PIP5K1C: variants seen among roughly 807,000 people sequenced by gnomAD.
The protein encoded by PIP5K1C is phosphatidylinositol-4-phosphate 5-kinase type 1 gamma.
In PIP5K1C, 45 loss-of-function variants were observed where a neutral mutation model predicts 80.1. The ratio of observed to expected loss-of-function variants is 0.56; its 90% CI spans 0.44 to 0.72. The LOEUF (loss-of-function observed/expected upper bound fraction) is 0.72. Ranked by LOEUF, PIP5K1C falls within the 30% of genes least tolerant of loss-of-function variation. PIP5K1C has a pLI of 0.00. For synonymous variants in PIP5K1C, 498 were observed against 420.1 expected (o/e 1.19, Z -2.27); for missense variants, 753 against 954.6 (o/e 0.79, Z 2.78).
chr19:3,667,659 C>T (rs753616011), intron 1 of PIP5K1C, among the ~76,000 whole-genome samples: 13 of 152,196 alleles, frequency 8.5e-5, no homozygotes, highest in Non-Finnish European at 1.6e-4. Flanking sequence ...GCACCCACCA[C>T]GGAGGGCCTG....
intron 6 of PIP5K1C, among the ~76,000 whole-genome samples, chr19:3,655,842 A>T (rs192025821): frequency 6.6e-5 from 10 of 152,324 alleles, no homozygotes; most frequent in Non-Finnish European, 1.2e-4. Flanking sequence ...TCCCAGGCCC[A>T]GGAACACTGT....
At position 3,637,354 on chromosome 19, in the gene PIP5K1C, T is replaced by C. The variant is rs2033732524; in HGVS notation, c.1920+1530A>G. On this transcript the variant is annotated intron_variant, in intron 16 of 17. Transcript: ENST00000335312. The surrounding 1 kb of genome is among the most constrained non-coding windows in gnomAD (Gnocchi z 7.0). The stretch of plus-strand genomic sequence containing the variant: ...ACCGAATGACATTCCCAGTGACGCA[T>C]GCAGCCCAGCGCCTGGTCCGGGGCC... The C allele has an allele frequency of 1.3e-6, 2 of 1,534,950 alleles. No homozygotes were observed. Among genetic ancestry groups the C allele is most frequent in the African/African-American group, 1.4e-5 (1 of 73,016 alleles).
intron 1 of PIP5K1C, among the ~76,000 whole-genome samples, chr19:3,691,946 C>T (rs1029284283): frequency 1.4e-4 from 22 of 152,270 alleles, no homozygotes; most frequent in African/African-American, 5.1e-4. Flanking sequence ...GCACAGGCCC[C>T]GAGGCAGCTG....
In PIP5K1C at chr19:3,647,091, C is replaced by T. The variant is rs550145622; in HGVS notation, c.1260+247G>A. Among the ~76,000 whole-genome samples the T allele has an allele frequency of 1.0e-4, 8 of 79,312 alleles. 1 individual carries two copies. In the East Asian group the frequency reaches 2.9e-3, roughly 28 times the overall value. The allele number at this position is 79,312 out of a possible 152,430, so 52.0% of individuals were successfully genotyped here. A position where few individuals can be genotyped will look rare whatever the true frequency, so the allele number is the denominator to read the frequency against. ...GGGATGGGAGGAGGGTGCAGGCGCT[C>T]ACAGAGGGAGGAGGGATGGGGGGAG... On this transcript the variant is annotated intron_variant, in intron 10 of 17. Coordinates refer to ENST00000335312, the MANE Select transcript of PIP5K1C (RefSeq NM_012398.3).
chr19:3,667,216 CAG>C, intron 2 of PIP5K1C, 104 bp downstream of exon 2: 1 of 948,236 alleles, frequency 1.1e-6, no homozygotes, highest in South Asian at 1.4e-5. Context: ...ATTTGGGGCC[CAG>C]AGAGGTGTAG....
Position 3,633,469 on chromosome 19 carries a change from C to G in PIP5K1C, c.1972G>C (p.Ala658Pro). ...CTCTCGCCGTCGGAGGCCGGGGGGG[C>G]CTGGGCGCTATAGTGGAGCGGGGAG... ...VYSPLHYSAQ[A>P]PPASDGESDT The change falls in exon 17 of 18, where the codon GCC becomes CCC. Residue 658 changes from alanine to proline, a missense_variant. Ala to Pro is a conservative substitution (Grantham distance 27). Around this residue, in one of 6 missense-constraint regions of PIP5K1C, gnomAD observed 315 missense variants for 294.5 expected, o/e 1.07. Transcript: ENST00000335312. 1 of 1,507,028 alleles carries G rather than the reference C, an allele frequency of 6.6e-7. No individual in the cohort carries two copies. The highest frequency in any genetic ancestry group is 1.4e-5 in the South Asian group (1 of 73,742). The allele number at this position is 1,507,028 out of a possible 1,614,324, so 93.4% of individuals were successfully genotyped here. A position where few individuals can be genotyped will look rare whatever the true frequency, so the allele number is the denominator to read the frequency against.
At chr19:3,684,151 A>G (rs560802243) in intron 1 of PIP5K1C, among the ~76,000 whole-genome samples, 1 of 152,246 alleles carries the variant, frequency 6.6e-6, no homozygotes, top group East Asian at 1.9e-4. Flanking sequence ...GATTCCTCAA[A>G]ATAAAGACGG....
rs1246854550 is a variant in PIP5K1C, at chr19:3,692,712, T to C, written c.94+7585A>G. Among the ~76,000 whole-genome samples the C allele has an allele frequency of 1.3e-5, 2 of 151,668 alleles. No homozygotes were observed. Among genetic ancestry groups the C allele is most frequent in the Non-Finnish European group, 2.9e-5 (2 of 67,910 alleles). The stretch of plus-strand genomic sequence containing the variant: ...CAGGGGGTGCCTGTGAGCTCCTGAG[T>C]CTCGCCCATCCCTCCTCTGCCCGCA... On this transcript the variant is annotated intron_variant, in intron 1 of 17. Transcript: ENST00000335312. This position sits in a 1 kb window ranked among gnomAD's most constrained non-coding sequence, Gnocchi z 5.2.
At position 3,630,245 on chromosome 19, in the gene PIP5K1C, G is replaced by A. The variant is rs1246650605; in HGVS notation, c.*2922C>T. On this transcript the variant is annotated 3_prime_UTR_variant, in exon 18 of 18. Transcript: ENST00000335312. ...GACGGGGTGTGGCGGGGGTAGGTGG[G>A]CGAGGAACCTGGGATGCAAACCAGT... 6.6e-6 allele frequency: 1 copy of A among 152,336 alleles called. No individual in the cohort carries two copies. The highest frequency in any genetic ancestry group is 1.5e-5 in the Non-Finnish European group (1 of 68,034). The allele number at this position is 152,336 out of a possible 1,614,324, so 9.4% of individuals were successfully genotyped here.
At chr19:3,697,317 C>T (rs1244128027) in intron 1 of PIP5K1C, among the ~76,000 whole-genome samples, 3 of 118,902 alleles carry the variant, frequency 2.5e-5, no homozygotes, top group Admixed American at 8.4e-5. Flanking sequence ...AGGACTGGGC[C>T]GGACGGAGGA....
At chr19:3,678,993 T>C (rs925861734) in intron 1 of PIP5K1C, among the ~76,000 whole-genome samples, 5 of 144,868 alleles carry the variant, frequency 3.5e-5, no homozygotes, top group Non-Finnish European at 7.6e-5. Flanking sequence ...GAGGGAGGGA[T>C]GGAGGGATGG....
chr19:3,697,285 A>AG (rs2036150288), intron 1 of PIP5K1C, among the ~76,000 whole-genome samples: 1 of 96,914 alleles, frequency 1.0e-5, no homozygotes, highest in South Asian at 3.8e-4. Flanking sequence ...CAAGCCGGAT[A>AG]GAGGACCGAG....
Position 3,682,699 on chromosome 19 carries a change from A to T in PIP5K1C, c.95-15346T>A, listed in dbSNP as rs985636405. Among the ~76,000 whole-genome samples, 237 of 152,138 alleles carry T rather than the reference A, an allele frequency of 1.6e-3. 2 individuals are homozygous for T. Among genetic ancestry groups the T allele is most frequent in the Middle Eastern group, 3.4e-3 (1 of 294 alleles). ...GCAAGACTGTCCCTATAAAAAAATT[A>T]AAAAAATAAAAAATAAAGAGCAGAA... On this transcript the variant is annotated intron_variant, in intron 1 of 17. Transcript: ENST00000335312.
rs984008986 is a variant in PIP5K1C, at chr19:3,633,035, G to T, written c.*132C>A. ...GCCCGGCCGTCGGCATCCGTGCAGG[G>T]GGAGGACGAGGTCCGGTGGGGCGGC... is the stretch of plus-strand genomic sequence containing the variant. On this transcript the variant is annotated 3_prime_UTR_variant, in exon 18 of 18. Coordinates refer to ENST00000335312, the MANE Select transcript of PIP5K1C (RefSeq NM_012398.3). 1 of 648,188 alleles carries T rather than the reference G, an allele frequency of 1.5e-6. No individual in the cohort carries two copies. The highest frequency in any genetic ancestry group is 2.8e-6 in the Non-Finnish European group (1 of 351,050). 40.2% of individuals were successfully genotyped at this position (648,188 alleles called of 1,614,324 possible).
chr19:3,661,680 C>G (rs1216283128), intron 4 of PIP5K1C, among the ~76,000 whole-genome samples, 191 bp downstream of exon 4: 2 of 152,264 alleles, frequency 1.3e-5, no homozygotes, highest in Admixed American at 6.5e-5. Context: ...CTTAAACTGC[C>G]TTTACATTGG....
At chr19:3,699,219 G>C (rs1388133610) in intron 1 of PIP5K1C, among the ~76,000 whole-genome samples, 1 of 151,822 alleles carries the variant, frequency 6.6e-6, no homozygotes, top group African/African-American at 2.4e-5. Flanking sequence ...CCAGGACACC[G>C]GCTGCCCGCA....
chr19:3,646,248 G>A lies in PIP5K1C; in HGVS notation c.1261-190C>T, dbSNP rs150106095. 1.9e-3 allele frequency among the ~76,000 whole-genome samples: 293 copies of A among 152,288 alleles called. 1 individual carries two copies. Among genetic ancestry groups the A allele is most frequent in the African/African-American group, 6.1e-3 (255 of 41,576 alleles). The stretch of plus-strand genomic sequence containing the variant: ...GGGAACAGTGGCTCCCTCTGGGGAG[G>A]GAGACTGGGTGCCAGGGAATGGGTG... On this transcript the variant is annotated intron_variant, in intron 10 of 17. Coordinates refer to ENST00000335312, the MANE Select transcript of PIP5K1C (RefSeq NM_012398.3).
At chr19:3,636,941 G>C in intron 16 of PIP5K1C, 1 of 1,011,068 alleles carries the variant, frequency 9.9e-7, no homozygotes, top group Non-Finnish European at 1.2e-6. Context: ...GTCCCAGGGG[G>C]ACCTCCTTGA....
intron 1 of PIP5K1C, among the ~76,000 whole-genome samples, chr19:3,670,217 G>A (rs974672413): frequency 3.3e-5 from 5 of 152,318 alleles, no homozygotes; most frequent in African/African-American, 1.2e-4. Flanking sequence ...GCCTGAGGGT[G>A]CGGGGTTGGA....
Sources: allele counts gnomAD v4.1 joint callset (sites outside exome capture counted in the v4.1 genomes callset), GRCh38; gene constraint gnomAD v4.1.1; regional missense constraint gnomAD v4.1.1; non-coding constraint Gnocchi (gnomAD v3.1); transcripts MANE v1.5; gene names NCBI Gene and HGNC (gene_info 2026-07-23, HGNC 2026-07-21).